Variants in FLG observed in about 807,000 individuals in gnomAD.
FLG encodes filaggrin.
In FLG, 6 loss-of-function variants were observed where a neutral mutation model predicts 3.8. That is an observed-to-expected ratio of 1.60 (90% CI 0.87 to 3.15). The LOEUF (loss-of-function observed/expected upper bound fraction) is 3.15, where lower values mean the gene tolerates loss of function less well. Ranked by LOEUF, FLG falls within the 30% of genes most tolerant of loss-of-function variation. The pLI is 0.00. For missense variants in FLG, 7,595 were observed against 5,050.9 expected (o/e 1.50, Z -15.27); for synonymous variants, 2,551 against 1,931.6 (o/e 1.32, Z -8.41).
In FLG at chr1:152,311,357, G is replaced by A. The variant is rs769496735; in HGVS notation, c.3529C>T (p.Gln1177Ter). 1.9e-6 allele frequency: 3 copies of A among 1,613,652 alleles called. No homozygotes were observed. The highest frequency in any genetic ancestry group is 1.1e-5 in the South Asian group (1 of 91,064). ...AHPGSRRGGRQGSHHEQSVDR... is the reference protein window; with the variant it reads ...AHPGSRRGGR The stretch of plus-strand genomic sequence containing the variant: ...ACCGATTGCTCATGGTGGGATCCCT[G>A]CCTTCCTCCTCTCCTTGACCCCGGG... Residue 1177 changes from glutamine to a stop codon, truncating the protein, a stop_gained, in exon 3 of 3, where the codon CAG (glutamine) becomes TAG (stop). Coordinates refer to ENST00000368799, the MANE Select transcript of FLG (RefSeq NM_002016.2). LOFTEE classifies it low-confidence loss of function (END_TRUNC).
chr1:152,305,452 G>T lies in FLG; in HGVS notation c.9434C>A (p.Ser3145Tyr). The T allele has an allele frequency of 3.1e-6, 5 of 1,593,020 alleles. No individual in the cohort carries two copies. Among genetic ancestry groups the T allele is most frequent in the South Asian group, 1.1e-5 (1 of 89,074 alleles). The stretch of plus-strand genomic sequence containing the variant: ...ACGGGAGGCATCAGACCTTCCCTGG[G>T]ATGTGGTGTGGCTGTGATGGGACCC... ...HSGSHHSHTT[S>Y]QGRSDASRGQ... The change falls in exon 3 of 3, where the codon TCC becomes TAC. Residue 3145 changes from serine (S) to tyrosine (Y), a missense_variant. Ser to Tyr is a moderately radical substitution (Grantham distance 144). Transcript: ENST00000368799.
Position 152,312,579 on chromosome 1 carries a change from A to G in FLG, c.2307T>C (p.Gly769=), listed in dbSNP as rs753053770. The part of the protein sequence containing the change: ...TQSVSGHGQA[G]HHQQSHQESA... Reference sequence around the variant, plus strand: ...ACTCTTGGTGGCTCTGCTGATGGTGACCAGCCTGTCCATGGCCTGACACTG... The same window carrying G: ...ACTCTTGGTGGCTCTGCTGATGGTGGCCAGCCTGTCCATGGCCTGACACTG... Residue 769 remains glycine, a synonymous_variant, in exon 3 of 3, where the codon GGT becomes GGC. Coordinates refer to ENST00000368799, the MANE Select transcript of FLG (RefSeq NM_002016.2). 3.1e-6 allele frequency: 5 copies of G among 1,613,082 alleles called. No homozygotes were observed. The highest frequency in any genetic ancestry group is 3.3e-4 in the Middle Eastern group (2 of 6,056).
In FLG at chr1:152,308,993, C is replaced by G. The variant is rs1557876046; in HGVS notation, c.5893G>C (p.Ala1965Pro). The G allele has an allele frequency of 1.1e-5, 17 of 1,614,136 alleles. No individual in the cohort carries two copies. Among genetic ancestry groups the G allele is most frequent in the African/African-American group, 1.3e-5 (1 of 75,040 alleles). ...CTGTCTGCAGAGTGCCCGTGACCGGCTCTGTCTTCGTGATGGGACCCAGGG... is the reference window on the plus strand; with the variant it reads ...CTGTCTGCAGAGTGCCCGTGACCGGGTCTGTCTTCGTGATGGGACCCAGGG... The part of the protein sequence containing the change: ...RHPGSHHEDR[A>P]GHGHSADSSR... Residue 1965 changes from alanine to proline, a missense_variant, in exon 3 of 3, where the codon GCC becomes CCC. Transcript: ENST00000368799.
rs144032391 is a variant in FLG at position 152,311,134 on chromosome 1, T to A, written c.3752A>T (p.Gln1251Leu). 2.1e-5 allele frequency: 34 copies of A among 1,613,902 alleles called. No individual in the cohort carries two copies. Among genetic ancestry groups the A allele is most frequent in the Non-Finnish European group, 2.9e-5 (34 of 1,179,978 alleles). The change falls in exon 3 of 3, where the codon CAG (glutamine) becomes CTG (leucine). Residue 1251 changes from glutamine to leucine, a missense_variant. By Grantham distance (113) the Gln-to-Leu change is moderately radical (BLOSUM62 -2). Coordinates refer to ENST00000368799, the MANE Select transcript of FLG (RefSeq NM_002016.2). ...ASWADSSRHS[Q>L]VGQEQSSGSR... Reference sequence around the variant, plus strand: ...CCCCGATGATTGTTCCTGTCCCACCTGTGAGTGTCTAGAGCTGTCAGCCCA... The same window carrying A: ...CCCCGATGATTGTTCCTGTCCCACCAGTGAGTGTCTAGAGCTGTCAGCCCA...
Position 152,307,368 on chromosome 1 carries a change from C to T in FLG, c.7518G>A (p.Gly2506=), listed in dbSNP as rs577238341. ...TSQGRSDASH[G]HSGSRSASRQ... Reference sequence around the variant, plus strand: ...TGCTTGCACTTCTGGATCCTGAGTGCCCATGGGAGGCATCAGACCTTCCCT... The same window carrying T: ...TGCTTGCACTTCTGGATCCTGAGTGTCCATGGGAGGCATCAGACCTTCCCT... The change falls in exon 3 of 3, where the codon GGG becomes GGA. Residue 2506 remains glycine (G), a synonymous_variant. Transcript: ENST00000368799. 2.5e-5 allele frequency: 41 copies of T among 1,613,108 alleles called. 1 individual carries two copies. In the South Asian group the frequency reaches 3.6e-4, roughly 14 times the overall value.
At position 152,305,435 on chromosome 1, in the gene FLG, C is replaced by T; in HGVS notation, c.9451G>A (p.Ala3151Thr). Residue 3151 changes from alanine to threonine, a missense_variant, in exon 3 of 3, where the codon GCC becomes ACC. Transcript: ENST00000368799. ...SHTTSQGRSD[A>T]SRGQSGSRSA... ...CTGGATCCTGACTGCCCACGGGAGG[C>T]ATCAGACCTTCCCTGGGATGTGGTG... 1 of 1,597,624 alleles carries T rather than the reference C, an allele frequency of 6.3e-7. No individual in the cohort carries two copies. The highest frequency in any genetic ancestry group is 8.5e-7 in the Non-Finnish European group (1 of 1,175,996).
chr1:152,304,470 C>A lies in FLG; in HGVS notation c.10416G>T (p.Arg3472Ser), dbSNP rs1332103440. ...CTGACTGCCCACGGGAGGCATCAGACCTTCCCTGGGATGTGGTGTGGCTGT... is the reference window on the plus strand; with the variant it reads ...CTGACTGCCCACGGGAGGCATCAGAACTTCCCTGGGATGTGGTGTGGCTGT... ...SHHSHTTSQG[R>S]SDASRGQSGS... The change falls in exon 3 of 3, where the codon AGG becomes AGT. Residue 3472 changes from arginine (R) to serine (S), a missense_variant. By Grantham distance (110) the Arg-to-Ser change is moderately radical. Coordinates refer to ENST00000368799, the MANE Select transcript of FLG (RefSeq NM_002016.2). 3 of 1,612,664 alleles carry A rather than the reference C, an allele frequency of 1.9e-6. No homozygotes were observed. The highest frequency in any genetic ancestry group is 2.2e-5 in the East Asian group (1 of 44,624).
chr1:152,312,693 T>C lies in FLG; in HGVS notation c.2193A>G (p.Ser731=). 6.2e-7 allele frequency: 1 copy of C among 1,613,964 alleles called. No individual in the cohort carries two copies. Among genetic ancestry groups the C allele is most frequent in the Non-Finnish European group, 8.5e-7 (1 of 1,180,006 alleles). The change falls in exon 3 of 3, where the codon TCA becomes TCG. Residue 731 remains serine, a synonymous_variant. Transcript: ENST00000368799. Reference sequence around the variant, plus strand: ...GGTGTCCACTGTCTCTGACTGCAGATGAAGCTTGTCCGTGCCCAGTGCCTG... The same window carrying C: ...GGTGTCCACTGTCTCTGACTGCAGACGAAGCTTGTCCGTGCCCAGTGCCTG... ...RHSGTGHGQA[S]SAVRDSGHRG... is the part of the protein sequence containing the mutation.
chr1:152,313,883 G>A lies in FLG; in HGVS notation c.1003C>T (p.His335Tyr), dbSNP rs1316920604. The A allele has an allele frequency of 1.2e-6, 2 of 1,614,068 alleles. No homozygotes were observed. The highest frequency in any genetic ancestry group is 3.3e-5 in the Admixed American group (2 of 60,018). The part of the protein sequence containing the change: ...AWEQSRDGSR[H>Y]PRSHDEDRAS... ...CTGTCTTCATCATGGGACCTGGGGT[G>A]TCTGGAGCCATCTCTTGACTGCTCC... The change falls in exon 3 of 3, where the codon CAC becomes TAC. Residue 335 changes from histidine to tyrosine, a missense_variant. His to Tyr is a moderately conservative substitution (Grantham distance 83). Coordinates refer to ENST00000368799, the MANE Select transcript of FLG (RefSeq NM_002016.2).
In FLG at chr1:152,304,410, G is replaced by A. The variant is rs144901359; in HGVS notation, c.10476C>T (p.Asp3492=). ...GCCTGGAGCCATCTCCTGATTGTTC[G>A]TCATTACGAGTTTGTCTGCTGGCAC... ...SRSASRQTRN[D]EQSGDGSRHS... Residue 3492 remains aspartate (D), a synonymous_variant, in exon 3 of 3, where the codon GAC becomes GAT. Transcript: ENST00000368799. 8.4e-5 allele frequency: 135 copies of A among 1,610,674 alleles called. 3 individuals are homozygous for A. Among genetic ancestry groups the A allele is most frequent in the East Asian group, 3.4e-4 (15 of 44,500 alleles).
Position 152,311,755 on chromosome 1 carries a change from G to C in FLG, c.3131C>G (p.Ser1044Cys), listed in dbSNP as rs2101648854. 1 of 1,614,152 alleles carries C rather than the reference G, an allele frequency of 6.2e-7. No individual in the cohort carries two copies. The highest frequency in any genetic ancestry group is 8.5e-7 in the Non-Finnish European group (1 of 1,180,034). ...TCTGCGCGGAATGCCTGAGTGTCTG[G>C]AGCTGTCTGCTGACTGCTGGTGGCG... ...GSRHQQSADS[S>C]RHSGIPRRQA... The change falls in exon 3 of 3, where the codon TCC becomes TGC. Residue 1044 changes from serine (S) to cysteine (C), a missense_variant. Transcript: ENST00000368799.
rs867944258 is a variant in FLG at position 152,308,698 on chromosome 1, C to T, written c.6188G>A (p.Gly2063Glu). 6.2e-7 allele frequency: 1 copy of T among 1,614,174 alleles called. No homozygotes were observed. The highest frequency in any genetic ancestry group is 1.1e-5 in the South Asian group (1 of 91,080). ...GCTCTGCTGATGGGGCCCAGCTTTTCCCTGTGCTGACACTGACTGTGTGTC... is the reference window on the plus strand; with the variant it reads ...GCTCTGCTGATGGGGCCCAGCTTTTTCCTGTGCTGACACTGACTGTGTGTC... The part of the protein sequence containing the change: ...DSDTQSVSAQ[G>E]KAGPHQQSHK... Residue 2063 changes from glycine (G) to glutamate (E), a missense_variant, in exon 3 of 3, where the codon GGA (glycine) becomes GAA (glutamate). By Grantham distance (98) the Gly-to-Glu change is moderately conservative. Transcript: ENST00000368799.
rs1652311651 is a variant in FLG at position 152,310,294 on chromosome 1, G to A, written c.4592C>T (p.Ser1531Phe). Residue 1531 changes from serine (S) to phenylalanine (F), a missense_variant, in exon 3 of 3, where the codon TCC becomes TTC. Physicochemically the swap from Ser to Phe is radical, Grantham distance 155. Transcript: ENST00000368799. ...ACTTCTGGGTCCTGACTGCCCATGG[G>A]AGGCATCAGACCTTCCCTGGGGTGT... ...HTTPQGRSDASHGQSGPRSAS... is the reference protein window; with the variant it reads ...HTTPQGRSDAFHGQSGPRSAS... 10 of 1,613,886 alleles carry A rather than the reference G, an allele frequency of 6.2e-6. No individual in the cohort carries two copies. The highest frequency in any genetic ancestry group is 2.7e-5 in the African/African-American group (2 of 74,928).
rs1034363980 is a variant in FLG, at chr1:152,307,117, T to C, written c.7769A>G (p.Asn2590Ser). Reference sequence around the variant, plus strand: ...CTGCTCCTGAGCAGATCCATGATGGTTTCTGGAAGCAGACCCAGACCACCT... The same window carrying C: ...CTGCTCCTGAGCAGATCCATGATGGCTTCTGGAAGCAGACCCAGACCACCT... ...SERWSGSASR[N>S]HHGSAQEQLR... Residue 2590 changes from asparagine (N) to serine (S), a missense_variant, in exon 3 of 3, where the codon AAC becomes AGC. By Grantham distance (46) the Asn-to-Ser change is conservative. Transcript: ENST00000368799. 9 of 1,611,316 alleles carry C rather than the reference T, an allele frequency of 5.6e-6. No homozygotes were observed. Among genetic ancestry groups the C allele is most frequent in the Non-Finnish European group, 7.6e-6 (9 of 1,179,782 alleles).
chr1:152,322,921 G>A (rs1353008779), intron 1 of FLG, among the ~76,000 whole-genome samples: 2 of 151,312 alleles, frequency 1.3e-5, no homozygotes, highest in South Asian at 2.1e-4. Flanking sequence ...CTAAGATTAG[G>A]TAAGACCATC....
In FLG at chr1:152,307,647, A is replaced by G. The variant is rs1273537659; in HGVS notation, c.7239T>C (p.Ser2413=). Residue 2413 remains serine (S), a synonymous_variant, in exon 3 of 3, where the codon TCT becomes TCC. Transcript: ENST00000368799. ...CATGAGTGCTCACCTGGTAGAGGAA[A>G]GACCCTGAACGTCCAGACCTTCCTG... The part of the protein sequence containing the change: ...RSAGRSGRSG[S]FLYQVSTHEQ... 3 of 1,613,220 alleles carry G rather than the reference A, an allele frequency of 1.9e-6. No individual in the cohort carries two copies. The highest frequency in any genetic ancestry group is 2.5e-6 in the Non-Finnish European group (3 of 1,179,856).
In FLG at chr1:152,303,666, C is replaced by T. The variant is rs368703609; in HGVS notation, c.11220G>A (p.Glu3740=). ...STGGRQGSRH[E]QARDSSRHSA... ...AGTGCCTGGAGCTGTCTCGTGCCTG[C>T]TCGTGGCGGGATCCTTGTCTTCCTC... is the stretch of plus-strand genomic sequence containing the variant. The change falls in exon 3 of 3, where the codon GAG becomes GAA. Residue 3740 remains glutamate, a synonymous_variant. Transcript: ENST00000368799. The T allele has an allele frequency of 4.3e-6, 7 of 1,613,840 alleles. No individual in the cohort carries two copies. The highest frequency in any genetic ancestry group is 1.3e-5 in the African/African-American group (1 of 74,896).
chr1:152,321,455 A>G lies in FLG; in HGVS notation c.-22+3734T>C, dbSNP rs564782940. ...ATTAATCAAGGAAAGAAGAGTAAGT[A>G]CCAATATCAGGAAAGTAAAAGGGGA... On this transcript the variant is annotated intron_variant, in intron 1 of 2. Coordinates refer to ENST00000368799, the MANE Select transcript of FLG (RefSeq NM_002016.2). Among the ~76,000 whole-genome samples the G allele has an allele frequency of 9.3e-5, 14 of 151,300 alleles. No homozygotes were observed. The South Asian group carries it at 2.5e-3, about 27-fold the overall frequency.
At position 152,313,959 on chromosome 1, in the gene FLG, G is replaced by C. The variant is rs756847247; in HGVS notation, c.927C>G (p.Asp309Glu). 1.2e-6 allele frequency: 2 copies of C among 1,614,120 alleles called. No homozygotes were observed. Among genetic ancestry groups the C allele is most frequent in the Admixed American group, 1.7e-5 (1 of 60,018 alleles). ...QDRDSEGHSEDSERHSGSASR... is the reference protein window; with the variant it reads ...QDRDSEGHSEESERHSGSASR... ...AAGCCGACCCAGAGTGCCTCTCAGA[G>C]TCTTCTGAGTGTCCCTCACTGTCCC... is the stretch of plus-strand genomic sequence containing the variant. The change falls in exon 3 of 3, where the codon GAC becomes GAG. Residue 309 changes from aspartate to glutamate, a missense_variant. By Grantham distance (45) the Asp-to-Glu change is conservative. Coordinates refer to ENST00000368799, the MANE Select transcript of FLG (RefSeq NM_002016.2).
Sources: gnomAD v4.1 joint callset for allele counts (sites outside exome capture counted in the v4.1 genomes callset) on GRCh38, gnomAD v4.1.1 for gene constraint, MANE v1.5 for transcripts, NCBI Gene and HGNC (gene_info 2026-07-23, HGNC 2026-07-21) for gene names.